The following KCNQ3 variants were observed in gnomAD, a reference collection of about 807,000 sequenced individuals.
The protein encoded by KCNQ3 is potassium voltage-gated channel subfamily KQT member 3.
KCNQ3 carries 30 observed loss-of-function variants against 92.5 expected under a neutral mutation model. The observed-to-expected ratio is 0.32, with a 90% CI of 0.24 to 0.44. The LOEUF (loss-of-function observed/expected upper bound fraction) is 0.44, where lower values mean the gene tolerates loss of function less well. Ranked by LOEUF, KCNQ3 falls within the 20% of genes least tolerant of loss-of-function variation. The pLI is 1.00. For missense variants in KCNQ3, 913 were observed against 1,140.3 expected (o/e 0.80, Z 2.87); for synonymous variants, 450 against 468.8 (o/e 0.96, Z 0.52).
At chr8:132,188,718 A>T (rs1827071914) in intron 1 of KCNQ3, among the ~76,000 whole-genome samples, 1 of 152,206 alleles carries the variant, frequency 6.6e-6, no homozygotes, top group South Asian at 2.1e-4. Flanking sequence ...CCTATTCCTC[A>T]TTATGCAAGG....
At chr8:132,293,604 G>A (rs980706385) in intron 1 of KCNQ3, among the ~76,000 whole-genome samples, 1 of 152,208 alleles carries the variant, frequency 6.6e-6, no homozygotes, top group Non-Finnish European at 1.5e-5. Flanking sequence ...GTGAGAATGA[G>A]TCATCAGTCC....
Position 132,124,100 on chromosome 8 carries a change from C to T in KCNQ3, c.*5162G>A, listed in dbSNP as rs1321855792. On this transcript the variant is annotated 3_prime_UTR_variant, in exon 15 of 15. Coordinates refer to ENST00000388996, the MANE Select transcript of KCNQ3 (RefSeq NM_004519.4). ...TATGTCCAATGGAATTGCCACAACT[C>T]AGCCACTGAGATCCAACATTCCTGC... is the stretch of plus-strand genomic sequence containing the variant. The T allele has an allele frequency of 6.6e-6, 1 of 152,194 alleles. No homozygotes were observed. The highest frequency in any genetic ancestry group is 1.5e-5 in the Non-Finnish European group (1 of 68,036). 9.4% of individuals were successfully genotyped at this position (152,194 alleles called of 1,614,324 possible).
chr8:132,328,560 T>G (rs1278918700), intron 1 of KCNQ3, among the ~76,000 whole-genome samples: 1 of 152,106 alleles, frequency 6.6e-6, no homozygotes, highest in Non-Finnish European at 1.5e-5. Flanking sequence ...TGCACCCCAA[T>G]TTCCTTATCT....
intron 1 of KCNQ3, among the ~76,000 whole-genome samples, chr8:132,224,526 G>C (rs1814343386): frequency 6.6e-6 from 1 of 152,034 alleles, no homozygotes; most frequent in Non-Finnish European, 1.5e-5. Flanking sequence ...CCACTGGTGA[G>C]ATCTGACTCA....
At chr8:132,368,469 A>T (rs1819382818) in intron 1 of KCNQ3, among the ~76,000 whole-genome samples, 2 of 152,128 alleles carry the variant, frequency 1.3e-5, no homozygotes, top group South Asian at 4.1e-4. Context: ...CCTGGGAAAC[A>T]CAGGAAGACC....
intron 1 of KCNQ3, among the ~76,000 whole-genome samples, chr8:132,307,811 G>T (rs1817472418): frequency 6.6e-6 from 1 of 152,250 alleles, no homozygotes; most frequent in African/African-American, 2.4e-5. Context: ...GTTCATGGAA[G>T]ATGGATGATA....
At chr8:132,396,019 T>C (rs564471969) in intron 1 of KCNQ3, among the ~76,000 whole-genome samples, 1 of 152,316 alleles carries the variant, frequency 6.6e-6, no homozygotes, top group African/African-American at 2.4e-5. Flanking sequence ...CCTAGTACTC[T>C]AATTTCGGTT....
At chr8:132,476,701 G>A (rs1587056650) in intron 1 of KCNQ3, among the ~76,000 whole-genome samples, 1 of 152,180 alleles carries the variant, frequency 6.6e-6, no homozygotes, top group East Asian at 1.9e-4. Context: ...AGGTTCATTG[G>A]CAGGAGCAAC....
intron 1 of KCNQ3, among the ~76,000 whole-genome samples, chr8:132,376,315 G>A (rs1250664938): frequency 1.3e-5 from 2 of 152,178 alleles, no homozygotes; most frequent in Non-Finnish European, 2.9e-5. Context: ...CCAATCAGCA[G>A]CATTTTACAT....
chr8:132,252,197 A>T (rs558510040), intron 1 of KCNQ3, among the ~76,000 whole-genome samples: 1 of 152,236 alleles, frequency 6.6e-6, no homozygotes, highest in East Asian at 1.9e-4. Flanking sequence ...TCTTGGTCTC[A>T]CTGACTTCAA....
At chr8:132,218,603 G>A (rs1174712220) in intron 1 of KCNQ3, among the ~76,000 whole-genome samples, 3 of 152,100 alleles carry the variant, frequency 2.0e-5, no homozygotes, top group Non-Finnish European at 4.4e-5. Context: ...CCATTTTACA[G>A]GTGAGAAAAA....
At chr8:132,369,797 A>G (rs1324041179) in intron 1 of KCNQ3, among the ~76,000 whole-genome samples, 1 of 152,226 alleles carries the variant, frequency 6.6e-6, no homozygotes, top group Non-Finnish European at 1.5e-5. Flanking sequence ...ACCTGGCATT[A>G]TAAGCTCCTT....
intron 1 of KCNQ3, among the ~76,000 whole-genome samples, chr8:132,370,093 T>G (rs1189720936): frequency 6.6e-6 from 1 of 152,160 alleles, no homozygotes; most frequent in African/African-American, 2.4e-5. Context: ...GCACTCTATC[T>G]AGGCACCTCC....
At position 132,186,078 on chromosome 8, in the gene KCNQ3, A is replaced by C; in HGVS notation, c.477+13T>G. The C allele has an allele frequency of 6.2e-7, 1 of 1,600,678 alleles. No homozygotes were observed. Among genetic ancestry groups the C allele is most frequent in the Middle Eastern group, 1.7e-4 (1 of 6,034 alleles). On this transcript the variant is annotated intron_variant, in intron 2 of 14. Coordinates refer to ENST00000388996, the MANE Select transcript of KCNQ3 (RefSeq NM_004519.4). The stretch of plus-strand genomic sequence containing the variant: ...GCCCAACCAGAAGCATTTACCCCAG[A>C]ATGCAATCTTACCAGTAACAGAAGC...
At chr8:132,257,745 C>CAAAAAAAAAAA (rs1174893538) in intron 1 of KCNQ3, among the ~76,000 whole-genome samples, 2 of 76,624 alleles carry the variant, frequency 2.6e-5, no homozygotes, top group Admixed American at 1.6e-4. Flanking sequence ...GACTCCAGCT[C>CAAAAAAAAAAA]AAAAAAAAAA....
intron 1 of KCNQ3, among the ~76,000 whole-genome samples, chr8:132,386,815 G>T (rs1819902649): frequency 6.6e-6 from 1 of 151,958 alleles, no homozygotes; most frequent in Admixed American, 6.6e-5. Flanking sequence ...TCCTGGAATG[G>T]TTTATGAATC....
chr8:132,141,437 G>T, intron 9 of KCNQ3, 106 bp from the exon 10 acceptor site: 1 of 990,514 alleles, frequency 1.0e-6, no homozygotes, highest in South Asian at 1.4e-5. Flanking sequence ...GAGAAATGGG[G>T]ACCGTGCATT....
In KCNQ3 at chr8:132,353,400, T is replaced by C. The variant is rs79741489; in HGVS notation, c.386+126747A>G. The stretch of plus-strand genomic sequence containing the variant: ...ATTGATCGACAACTAAGGACAACCA[T>C]TGGGCACATGGAAACGGTCAAAACT... On this transcript the variant is annotated intron_variant, in intron 1 of 14. Transcript: ENST00000388996. Among the ~76,000 whole-genome samples the C allele has an allele frequency of 4.8e-3, 727 of 152,056 alleles. 5 individuals are homozygous for C. The highest frequency in any genetic ancestry group is 7.5e-3 in the Non-Finnish European group (508 of 67,972).
intron 1 of KCNQ3, among the ~76,000 whole-genome samples, chr8:132,419,582 C>T (rs117733942): frequency 0.012 from 1,759 of 152,282 alleles, 14 homozygotes; most frequent in Non-Finnish European, 0.02. Context: ...CAGCCACACC[C>T]ATCTCCACCA....
Sources: allele counts gnomAD v4.1 joint callset (sites outside exome capture counted in the v4.1 genomes callset), GRCh38; gene constraint gnomAD v4.1.1; transcripts MANE v1.5; gene names NCBI Gene and HGNC (gene_info 2026-07-23, HGNC 2026-07-21).